The following RSPH14 variants were observed in gnomAD, a reference collection of about 807,000 sequenced individuals.
RSPH14 encodes the protein rhabdoid tumor deletion region gene 1.
Under a neutral mutation model 26.7 loss-of-function variants are expected in RSPH14, and 20 were observed. The observed-to-expected ratio is 0.75, with a 90% CI of 0.53 to 1.09. The LOEUF (loss-of-function observed/expected upper bound fraction) is 1.09, where lower values mean the gene tolerates loss of function less well. Ranked by LOEUF, RSPH14 falls within the 50% of genes least tolerant of loss-of-function variation. The pLI is 0.00. For synonymous variants in RSPH14, 177 were observed against 189.3 expected (o/e 0.93, Z 0.53); for missense variants, 449 against 457.2 (o/e 0.98, Z 0.16).
chr22:23,134,085 C>T lies in RSPH14; in HGVS notation c.362G>A (p.Ser121Asn). 6.2e-7 allele frequency: 1 copy of T among 1,613,676 alleles called. No homozygotes were observed. Among genetic ancestry groups the T allele is most frequent in the East Asian group, 2.2e-5 (1 of 44,852 alleles). The change falls in exon 4 of 7, where the codon AGC becomes AAC. Residue 121 changes from serine to asparagine, a missense_variant. Ser to Asn is a conservative substitution (Grantham distance 46, BLOSUM62 1). Coordinates refer to ENST00000216036, the MANE Select transcript of RSPH14 (RefSeq NM_014433.3). ...GTACAGGTTCCCCCGGCAGACTGGGCTGGGGTCATTCAGCAGGAAGGACAG... is the reference window on the plus strand; with the variant it reads ...GTACAGGTTCCCCCGGCAGACTGGGTTGGGGTCATTCAGCAGGAAGGACAG... ...LALSFLLNDP[S>N]PVCRGNLYKA...
At chr22:23,079,152 G>A (rs1280974487) in intron 4 of RSPH14, among the ~76,000 whole-genome samples, 1 of 152,218 alleles carries the variant, frequency 6.6e-6, no homozygotes, top group East Asian at 1.9e-4. Flanking sequence ...GGAAAGAGGT[G>A]GGCGATAAAC....
intron 4 of RSPH14, among the ~76,000 whole-genome samples, chr22:23,064,472 C>T (rs2068161849): frequency 6.6e-6 from 1 of 152,196 alleles, no homozygotes; most frequent in Non-Finnish European, 1.5e-5. Flanking sequence ...TGACAGCTCA[C>T]TCCTGCAGGG....
At chr22:23,147,220 A>G (rs371179031), upstream of RSPH14, among the ~76,000 whole-genome samples, 219 of 152,290 alleles carry the variant, frequency 1.4e-3, no homozygotes, top group African/African-American at 5.2e-3. Flanking sequence ...ATTAAAATCC[A>G]ATATTAATTG....
intron 4 of RSPH14, among the ~76,000 whole-genome samples, chr22:23,088,722 A>G (rs1332042635): frequency 6.6e-6 from 1 of 152,208 alleles, no homozygotes. Context: ...ACTGGTCCCC[A>G]CATTGAGGCT....
intron 4 of RSPH14, chr22:23,131,722 G>T (rs766289975): frequency 6.3e-6 from 6 of 956,180 alleles, no homozygotes; most frequent in East Asian, 6.1e-5. Context: ...ACCCAGCACT[G>T]GTCCCCCATG....
At chr22:23,117,441 A>G (rs1482545200) in intron 4 of RSPH14, among the ~76,000 whole-genome samples, 1 of 152,142 alleles carries the variant, frequency 6.6e-6, no homozygotes, top group Non-Finnish European at 1.5e-5. Flanking sequence ...CTGAATCCCC[A>G]TCTGCAGCAT....
chr22:23,132,833 G>A (rs1175015831), intron 4 of RSPH14: 1 of 151,866 alleles, frequency 6.6e-6, no homozygotes, highest in Non-Finnish European at 1.5e-5. Flanking sequence ...CTTTGTTTCT[G>A]ATCTGGGCTG....
At chr22:23,143,878 G>A (rs1252139576), upstream of RSPH14, among the ~76,000 whole-genome samples, 1 of 152,024 alleles carries the variant, frequency 6.6e-6, no homozygotes, top group Admixed American at 6.6e-5. Flanking sequence ...ATCACATGAG[G>A]CCAGGAGTTC....
At chr22:23,063,704 T>C (rs2146211645) in intron 5 of RSPH14, among the ~76,000 whole-genome samples, 198 bp downstream of exon 5, 1 of 152,114 alleles carries the variant, frequency 6.6e-6, no homozygotes, top group East Asian at 1.9e-4. Flanking sequence ...TTTCCTGGGA[T>C]ACAGTACACT....
the RSPH14 span, among the ~76,000 whole-genome samples, chr22:23,169,113 T>C: frequency 6.6e-6 from 1 of 152,098 alleles, no homozygotes; most frequent in African/African-American, 2.4e-5. Flanking sequence ...GGCAGTGGAG[T>C]TCCTGAGGAG....
chr22:23,090,327 C>T (rs2068935700), intron 4 of RSPH14, among the ~76,000 whole-genome samples: 1 of 152,296 alleles, frequency 6.6e-6, no homozygotes, highest in African/African-American at 2.4e-5. Flanking sequence ...TCACCAGGCA[C>T]TGTGCACCGT....
At chr22:23,076,307 G>A (rs978732932) in intron 4 of RSPH14, among the ~76,000 whole-genome samples, 3 of 152,202 alleles carry the variant, frequency 2.0e-5, no homozygotes, top group South Asian at 2.1e-4. Flanking sequence ...GGGACGTTGC[G>A]GAGTCACCAT....
At chr22:23,067,944 G>A (rs899265679) in intron 4 of RSPH14, among the ~76,000 whole-genome samples, 1 of 152,214 alleles carries the variant, frequency 6.6e-6, no homozygotes, top group Non-Finnish European at 1.5e-5. Context: ...ATTATGTCCA[G>A]TAGGACAACT....
the RSPH14 span, among the ~76,000 whole-genome samples, chr22:23,169,441 G>A: frequency 1.3e-4 from 20 of 152,358 alleles, no homozygotes; most frequent in Middle Eastern, 3.4e-3. Context: ...TGGAGACAGC[G>A]CGGAAAAGGA....
At chr22:23,100,114 G>A (rs2069252764) in intron 4 of RSPH14, among the ~76,000 whole-genome samples, 1 of 152,242 alleles carries the variant, frequency 6.6e-6, no homozygotes, top group African/African-American at 2.4e-5. Context: ...TGGACCTGCT[G>A]TGCAGGCTCA....
At chr22:23,065,138 G>C (rs1319858045) in intron 4 of RSPH14, among the ~76,000 whole-genome samples, 1 of 152,214 alleles carries the variant, frequency 6.6e-6, no homozygotes, top group Admixed American at 6.5e-5. Flanking sequence ...ACTCTAGAGA[G>C]AGAAATAAAC....
intron 4 of RSPH14, among the ~76,000 whole-genome samples, chr22:23,108,702 C>T (rs1172297380): frequency 6.6e-6 from 1 of 152,270 alleles, no homozygotes; most frequent in Non-Finnish European, 1.5e-5. Context: ...AGGGCCCCAG[C>T]TTCCTGCCTC....
rs571675911 is a variant in RSPH14, at chr22:23,133,313, G to GAAAT, written c.421+709_421+712dup. Among the ~76,000 whole-genome samples, 31 of 152,270 alleles carry GAAAT rather than the reference G, an allele frequency of 2.0e-4. No homozygotes were observed. The South Asian group carries it at 5.4e-3, about 26-fold the overall frequency. On this transcript the variant is annotated intron_variant, in intron 4 of 6. Transcript: ENST00000216036. ...TAATACATCCCACACGTAAATCTCAGAAATAAAACGTTAAGCAAAAGTAGC... is the reference window on the plus strand; with the variant it reads ...TAATACATCCCACACGTAAATCTCAGAAATAAATAAAACGTTAAGCAAAAGTAGC...
intron 4 of RSPH14, among the ~76,000 whole-genome samples, chr22:23,095,048 G>A (rs980578765): frequency 3.9e-5 from 6 of 152,236 alleles, no homozygotes; most frequent in Non-Finnish European, 5.9e-5. Context: ...GGACTGTCCA[G>A]GCAACAGCAG....
Sources: gnomAD v4.1 joint callset for allele counts (sites outside exome capture counted in the v4.1 genomes callset) on GRCh38, gnomAD v4.1.1 for gene constraint, MANE v1.5 for transcripts, NCBI Gene and HGNC (gene_info 2026-07-23, HGNC 2026-07-21) for gene names.